The following FAM168B variants were observed in gnomAD, a reference collection of about 807,000 sequenced individuals.
FAM168B encodes myelin-associated neurite-outgrowth inhibitor.
A neutral mutation model predicts 21.8 loss-of-function variants in FAM168B; 19 were observed. The ratio of observed to expected loss-of-function variants is 0.87; its 90% CI spans 0.61 to 1.28. FAM168B has a LOEUF of 1.28. Among genes scored for constraint, FAM168B ranks in the 50% most tolerant of loss-of-function variants. FAM168B has a pLI of 0.00. For missense variants in FAM168B, 233 were observed against 263.1 expected, an observed-to-expected ratio of 0.89 and a Z score of 0.79; for synonymous variants, 126 against 104.8, an observed-to-expected ratio of 1.20 and a Z score of -1.24.
chr2:131,058,882 G>T (rs1692160405), intron 3 of FAM168B, among the ~76,000 whole-genome samples: 1 of 152,156 alleles, frequency 6.6e-6, no homozygotes, highest in African/African-American at 2.4e-5. Flanking sequence ...CCACAACGAG[G>T]TTGTATAACA....
At chr2:131,053,663 G>A (rs1012310093) in intron 5 of FAM168B, among the ~76,000 whole-genome samples, 4 of 152,144 alleles carry the variant, frequency 2.6e-5, no homozygotes, top group Non-Finnish European at 4.4e-5. Context: ...GATAGCTTAA[G>A]TTCAGGAGCT....
chr2:131,091,186 A>C (rs556110192), intron 1 of FAM168B, among the ~76,000 whole-genome samples: 1 of 152,234 alleles, frequency 6.6e-6, no homozygotes, highest in South Asian at 2.1e-4. Flanking sequence ...TAAAAACACA[A>C]ACATTACCTG....
Position 131,048,621 on chromosome 2 carries a change from C to G in FAM168B, c.*3844G>C, listed in dbSNP as rs772625865. The G allele has an allele frequency of 4.6e-6, 5 of 1,079,986 alleles. No homozygotes were observed. Among genetic ancestry groups the G allele is most frequent in the Non-Finnish European group, 5.7e-6 (5 of 883,620 alleles). 66.9% of individuals were successfully genotyped at this position (1,079,986 alleles called of 1,614,324 possible). On this transcript the variant is annotated 3_prime_UTR_variant, in exon 7 of 7. Coordinates refer to ENST00000389915, the MANE Select transcript of FAM168B (RefSeq NM_001009993.4). ...CTGTGTTACTTGGTCAGTTGAGCCC[C>G]TGGAGCCCTCAGGACCTACTGATAA...
chr2:131,064,256 G>A (rs1047004176), intron 3 of FAM168B, among the ~76,000 whole-genome samples: 1 of 151,560 alleles, frequency 6.6e-6, no homozygotes, highest in Non-Finnish European at 1.5e-5. Flanking sequence ...CAAAAGTACT[G>A]TGTACCACGC....
At chr2:131,081,123 A>T (rs567651943) in intron 2 of FAM168B, among the ~76,000 whole-genome samples, 16 of 152,230 alleles carry the variant, frequency 1.1e-4, no homozygotes, top group African/African-American at 3.6e-4. Context: ...AAATTTGTTC[A>T]TATGCCATTT....
chr2:131,083,291 T>C (rs888096620), intron 1 of FAM168B, among the ~76,000 whole-genome samples: 1 of 152,140 alleles, frequency 6.6e-6, no homozygotes. Flanking sequence ...TAGTCGGAGG[T>C]TGCAGTGAGC....
chr2:131,077,289 G>C (rs1457521104), intron 2 of FAM168B, among the ~76,000 whole-genome samples: 1 of 151,558 alleles, frequency 6.6e-6, no homozygotes, highest in African/African-American at 2.4e-5. Context: ...AGCGAAGTGA[G>C]CAACGCCGCC....
At chr2:131,081,450 C>T (rs1180690248) in intron 2 of FAM168B, among the ~76,000 whole-genome samples, 3 of 152,198 alleles carry the variant, frequency 2.0e-5, no homozygotes, top group African/African-American at 4.8e-5. Context: ...ACTATTTTTA[C>T]GTTAATTTCT....
At chr2:131,088,354 C>A (rs540168636) in intron 1 of FAM168B, among the ~76,000 whole-genome samples, 2 of 151,720 alleles carry the variant, frequency 1.3e-5, no homozygotes, top group Non-Finnish European at 2.9e-5. Flanking sequence ...TCAGACAAAC[C>A]CCAAAAGTGG....
Position 131,062,471 on chromosome 2 carries a change from G to A in FAM168B, c.155-6776C>T, listed in dbSNP as rs572186557. 4.3e-4 allele frequency among the ~76,000 whole-genome samples: 65 copies of A among 152,194 alleles called. No individual in the cohort carries two copies. The South Asian group carries it at 5.6e-3, about 13-fold the overall frequency. ...GTCTTTTTTGTTTTTGTTTTGAGAC[G>A]GAGTCTCGCTCTGTTGCCCAGGTTG... On this transcript the variant is annotated intron_variant, in intron 3 of 6. Transcript: ENST00000389915.
rs1478250753 is a variant in FAM168B at position 131,053,012 on chromosome 2, G to T, written c.479C>A (p.Thr160Asn). Residue 160 changes from threonine (T) to asparagine (N), a missense_variant, in exon 6 of 7, where the codon ACC becomes AAC. By Grantham distance (65) the Thr-to-Asn change is moderately conservative. Transcript: ENST00000389915. ...AGTTMAMSAGTLLTAHSPTPV... is the reference protein window; with the variant it reads ...AGTTMAMSAGNLLTAHSPTPV... ...AGTTGGGGAGTGAGCAGTCAGCAGGGTACCTGGAAGAAAGAGCAGCACATG... is the reference window on the plus strand; with the variant it reads ...AGTTGGGGAGTGAGCAGTCAGCAGGTTACCTGGAAGAAAGAGCAGCACATG... The T allele has an allele frequency of 6.5e-7, 1 of 1,548,866 alleles. No homozygotes were observed. The highest frequency in any genetic ancestry group is 2.0e-5 in the Admixed American group (1 of 50,000).
Position 131,053,109 on chromosome 2 carries a change from G to A in FAM168B, c.476-94C>T, listed in dbSNP as rs1229797253. 3.5e-6 allele frequency: 5 copies of A among 1,431,288 alleles called. No homozygotes were observed. In the African/African-American group the frequency reaches 4.5e-5, roughly 13 times the overall value. The allele number at this position is 1,431,288 out of a possible 1,614,324, so 88.7% of individuals were successfully genotyped here. A position where few individuals can be genotyped will look rare whatever the true frequency, so the allele number is the denominator to read the frequency against. On this transcript the variant is annotated intron_variant, in intron 5 of 6. Coordinates refer to ENST00000389915, the MANE Select transcript of FAM168B (RefSeq NM_001009993.4). The stretch of plus-strand genomic sequence containing the variant: ...ACAAGCCTGGCCTCTTTGCAAGGAG[G>A]AGGGTATACAGGAAGAGGGATAGTC...
intron 3 of FAM168B, among the ~76,000 whole-genome samples, chr2:131,064,893 G>A (rs959061981): frequency 2.0e-5 from 3 of 152,188 alleles, no homozygotes; most frequent in Non-Finnish European, 2.9e-5. Context: ...CACATCGGGG[G>A]TAGCTGGAGG....
At position 131,051,624 on chromosome 2, in the gene FAM168B, C is replaced by T. The variant is rs7598890; in HGVS notation, c.*841G>A. ...TTACATAGGACTTTTCCAATAAAGA[C>T]ATATAAAAACATCATCTCTCTAAGA... On this transcript the variant is annotated 3_prime_UTR_variant, in exon 7 of 7. Transcript: ENST00000389915. The T allele has an allele frequency of 0.15, 144,657 of 985,004 alleles. 13,829 individuals carry two copies. Among genetic ancestry groups the T allele is most frequent in the African/African-American group, 0.46 (26,071 of 57,210 alleles). The allele number at this position is 985,004 out of a possible 1,614,324, so 61.0% of individuals were successfully genotyped here.
chr2:131,057,589 A>G (rs960627148), intron 3 of FAM168B, among the ~76,000 whole-genome samples: 1 of 152,250 alleles, frequency 6.6e-6, no homozygotes, highest in East Asian at 1.9e-4. Context: ...TTGAGCACTT[A>G]ATATGTGGGT....
At position 131,055,390 on chromosome 2, in the gene FAM168B, G is replaced by A; in HGVS notation, c.357C>T (p.Thr119=). ...GCATGCCGTTGGGCTGCACCACCGT[G>A]GTGTGGTGGATGACGTGAGGAGGTG... ...YAAPPHVIHH[T]TVVQPNGMPA... is the part of the protein sequence containing the mutation. The change falls in exon 5 of 7, where the codon ACC becomes ACT. Residue 119 remains threonine (T), a synonymous_variant. Coordinates refer to ENST00000389915, the MANE Select transcript of FAM168B (RefSeq NM_001009993.4). The A allele has an allele frequency of 1.9e-6, 3 of 1,606,574 alleles. No homozygotes were observed. The highest frequency in any genetic ancestry group is 2.5e-6 in the Non-Finnish European group (3 of 1,177,622).
intron 1 of FAM168B, among the ~76,000 whole-genome samples, chr2:131,085,037 G>T (rs1319533067): frequency 6.6e-6 from 1 of 152,110 alleles, no homozygotes; most frequent in Non-Finnish European, 1.5e-5. Flanking sequence ...ACTCACTGAC[G>T]TATGTGGTTA....
intron 1 of FAM168B, among the ~76,000 whole-genome samples, chr2:131,084,911 C>T (rs995795817): frequency 2.0e-5 from 3 of 152,096 alleles, no homozygotes; most frequent in Non-Finnish European, 4.4e-5. Flanking sequence ...GACAGAGTTT[C>T]ACTACGTCAC....
intron 3 of FAM168B, among the ~76,000 whole-genome samples, chr2:131,064,375 C>G (rs925736077): frequency 6.6e-5 from 10 of 152,022 alleles, no homozygotes; most frequent in Non-Finnish European, 1.3e-4. Flanking sequence ...TGCCAAAACA[C>G]AGCATCATGA....
Sources: allele counts gnomAD v4.1 joint callset (sites outside exome capture counted in the v4.1 genomes callset), GRCh38; gene constraint gnomAD v4.1.1; transcripts MANE v1.5; gene names NCBI Gene and HGNC (gene_info 2026-07-23, HGNC 2026-07-21).